The following NAALADL1 variants were observed in gnomAD, a reference collection of about 807,000 sequenced individuals.
NAALADL1 encodes the protein N-acetylated alpha-linked acidic dipeptidase like 1.
In NAALADL1, 77 loss-of-function variants were observed where a neutral mutation model predicts 82.8. The ratio of observed to expected loss-of-function variants is 0.93; its 90% confidence interval spans 0.77 to 1.12. The LOEUF (loss-of-function observed/expected upper bound fraction) is 1.12. NAALADL1 is among the 50% of genes most tolerant of loss of function. The pLI, the probability that NAALADL1 is intolerant of heterozygous loss-of-function variation, is 0.00. For missense variants in NAALADL1, 956 were observed against 964.0 expected (o/e 0.99, Z 0.11); for synonymous variants, 358 against 399.2 (o/e 0.90, Z 1.23).
intron 8 of NAALADL1, among the ~76,000 whole-genome samples, chr11:65,049,426 A>G (rs1357926790): frequency 6.6e-6 from 1 of 152,230 alleles, no homozygotes; most frequent in Non-Finnish European, 1.5e-5. Flanking sequence ...CCAAACCCAA[A>G]TTGAGGGTTA....
chr11:65,048,935 A>G (rs1344038810), intron 8 of NAALADL1, among the ~76,000 whole-genome samples: 1 of 152,174 alleles, frequency 6.6e-6, no homozygotes, highest in African/African-American at 2.4e-5. Flanking sequence ...GGTGGAAGCC[A>G]GGTTGCAGGA....
chr11:65,053,585 G>T lies in NAALADL1; in HGVS notation c.993-9C>A. 1 of 1,584,794 alleles carries T rather than the reference G, an allele frequency of 6.3e-7. No individual in the cohort carries two copies. On this transcript the variant is annotated splice_polypyrimidine_tract_variant and intron_variant, in intron 6 of 17. Transcript: ENST00000358658. The surrounding 1 kb of genome is among the most constrained non-coding windows in gnomAD (Gnocchi z 4.3). ...CGCTCACATTCACCTGGCTGGGGAG[G>T]GTGAAGGGTGTGAGAAGACTCTTGG... is the stretch of plus-strand genomic sequence containing the variant.
upstream of NAALADL1, among the ~76,000 whole-genome samples, chr11:65,059,339 C>T (rs1344166788): frequency 6.6e-6 from 1 of 152,172 alleles, no homozygotes; most frequent in Non-Finnish European, 1.5e-5. Flanking sequence ...AACAATATGG[C>T]ATCTGTAGAA....
rs368979735 is a variant in NAALADL1 at position 65,047,597 on chromosome 11, C to T, written c.1509-32G>A. The T allele has an allele frequency of 2.4e-4, 386 of 1,576,818 alleles. 1 individual carries two copies. The highest frequency in any genetic ancestry group is 3.1e-4 in the Non-Finnish European group (355 of 1,161,910). On this transcript the variant is annotated intron_variant, in intron 12 of 17. Coordinates refer to ENST00000358658, the MANE Select transcript of NAALADL1 (RefSeq NM_005468.3). ...GAAGGAAGGGGGCCGGGATAAAGAG[C>T]GCTGGGCCGGACCGCCTCGCTCCGG...
At chr11:65,045,747 C>T in intron 17 of NAALADL1, 75 bp downstream of exon 17, 2 of 1,416,296 alleles carry the variant, frequency 1.4e-6, no homozygotes, top group South Asian at 1.2e-5. Context: ...GAGAAGCTGA[C>T]CACCTCGTCT....
rs752220561 is a variant in NAALADL1, at chr11:65,058,437, G to T, written c.85C>A (p.Pro29Thr). ...GGGGCCAGTGAGTTGGCTTTTTTGG[G>T]GATGGCAAAGTGGCCGAGGATGATC... is the stretch of plus-strand genomic sequence containing the variant. Reference protein sequence around the residue: ...LGIILGHFAIPKKANSLAPQD... With the variant: ...LGIILGHFAITKKANSLAPQD... The change falls in exon 1 of 18, where the codon CCC becomes ACC. Residue 29 changes from proline to threonine, a missense_variant. Coordinates refer to ENST00000358658, the MANE Select transcript of NAALADL1 (RefSeq NM_005468.3). The T allele has an allele frequency of 3.0e-5, 49 of 1,613,950 alleles. No homozygotes were observed. Among genetic ancestry groups the T allele is most frequent in the Admixed American group, 1.7e-4 (10 of 59,994 alleles).
intron 8 of NAALADL1, among the ~76,000 whole-genome samples, chr11:65,049,881 T>G (rs1164855147): frequency 6.6e-6 from 1 of 151,592 alleles, no homozygotes; most frequent in South Asian, 2.1e-4. Flanking sequence ...AAAAAATATT[T>G]TTTTCTTTTT....
intron 8 of NAALADL1, among the ~76,000 whole-genome samples, chr11:65,050,608 G>A (rs1274554364): frequency 1.3e-5 from 2 of 151,344 alleles, no homozygotes; most frequent in Non-Finnish European, 2.9e-5. Flanking sequence ...TGGCCAACAC[G>A]GTAAAACCCC....
In NAALADL1 at chr11:65,054,715, C is replaced by G. The variant is rs1464024418; in HGVS notation, c.627G>C (p.Gly209=). 3 of 1,613,748 alleles carry G rather than the reference C, an allele frequency of 1.9e-6. No individual in the cohort carries two copies. In the African/African-American group the frequency reaches 4.0e-5, roughly 22 times the overall value. ...GAKAVNAAKH[G]VAGVLVYTDP... is the part of the protein sequence containing the mutation. ...CTGTGTACACCAGCACCCCAGCTAC[C>G]CCGTGCTTGGCAGCGTTCACAGCCT... The change falls in exon 5 of 18, where the codon GGG becomes GGC. Residue 209 remains glycine (G), a synonymous_variant. Transcript: ENST00000358658. This position sits in a 1 kb window ranked among gnomAD's most constrained non-coding sequence, Gnocchi z 4.3.
At chr11:65,059,898 G>T (rs1565255050), upstream of NAALADL1, among the ~76,000 whole-genome samples, 1 of 152,208 alleles carries the variant, frequency 6.6e-6, no homozygotes, top group Non-Finnish European at 1.5e-5. Flanking sequence ...TCCAGCATTT[G>T]CAAGGGCTGA....
In NAALADL1 at chr11:65,047,681, T is replaced by G. The variant is rs1360398991; in HGVS notation, c.1474A>C (p.Asn492His). 6.2e-7 allele frequency: 1 copy of G among 1,608,046 alleles called. No homozygotes were observed. The highest frequency in any genetic ancestry group is 8.5e-7 in the Non-Finnish European group (1 of 1,178,092). ...SIYDNWIRYF[N>H]RSSPVYGLVP... ...AGGCCGTACACCGGGCTGCTGCGGT[T>G]GAAGTACCGGATCCAGTTGTCGTAG... The change falls in exon 12 of 18, where the codon AAC becomes CAC. Residue 492 changes from asparagine (N) to histidine (H), a missense_variant. Asn to His is a moderately conservative substitution (Grantham distance 68, BLOSUM62 1). Coordinates refer to ENST00000358658, the MANE Select transcript of NAALADL1 (RefSeq NM_005468.3).
intron 3 of NAALADL1, 84 bp from the exon 4 acceptor site, chr11:65,057,577 G>A: frequency 6.6e-7 from 1 of 1,508,322 alleles, no homozygotes; most frequent in Non-Finnish European, 8.9e-7. Context: ...CATGGCAGGA[G>A]GGAGAATTTA....
chr11:65,046,993 C>A (rs1565220804), intron 13 of NAALADL1, among the ~76,000 whole-genome samples: 1 of 150,062 alleles, frequency 6.7e-6, no homozygotes, highest in South Asian at 2.1e-4. Context: ...CCCGCCCCTA[C>A]ATTTTAAGAT....
At chr11:65,049,932 C>T (rs1170506875) in intron 8 of NAALADL1, among the ~76,000 whole-genome samples, 1 of 151,366 alleles carries the variant, frequency 6.6e-6, no homozygotes, top group African/African-American at 2.4e-5. Context: ...GGCTGGAGTG[C>T]AGTGGCGCAA....
rs182211198 is a variant in NAALADL1 at position 65,057,465 on chromosome 11, G to A, written c.509C>T (p.Ala170Val). Reference protein sequence around the residue: ...QGLLVYANRGAEEDFKELQTQ... With the variant: ...QGLLVYANRGVEEDFKELQTQ... ...CTGTAGCTCCTTAAAGTCTTCTTCC[G>A]CGCCCCGGTTGGCATAGACGAGGAG... Residue 170 changes from alanine to valine, a missense_variant, in exon 4 of 18, where the codon GCG becomes GTG. Coordinates refer to ENST00000358658, the MANE Select transcript of NAALADL1 (RefSeq NM_005468.3). The A allele has an allele frequency of 5.1e-5, 83 of 1,614,108 alleles. No individual in the cohort carries two copies. The East Asian group carries it at 9.8e-4, about 19-fold the overall frequency.
chr11:65,053,362 A>G lies in NAALADL1; in HGVS notation c.1079-25T>C. ...TCTGGCCAGAGGAAAAGGGGCAGAG[A>G]ACCAGAGGAGAGGGAGAGGTGGGCA... On this transcript the variant is annotated intron_variant, in intron 7 of 17. Coordinates refer to ENST00000358658, the MANE Select transcript of NAALADL1 (RefSeq NM_005468.3). This position sits in a 1 kb window ranked among gnomAD's most constrained non-coding sequence, Gnocchi z 4.3. 6.2e-7 allele frequency: 1 copy of G among 1,603,464 alleles called. No individual in the cohort carries two copies. The highest frequency in any genetic ancestry group is 8.5e-7 in the Non-Finnish European group (1 of 1,175,114).
rs566658012 is a variant in NAALADL1, at chr11:65,045,158, G to A, written c.*113C>T. Reference sequence around the variant, plus strand: ...CCTCAAGCTGTTGCCTGAGAAGCTTGAGAGGGTCCTGTGGTAGTGCCCTCT... The same window carrying A: ...CCTCAAGCTGTTGCCTGAGAAGCTTAAGAGGGTCCTGTGGTAGTGCCCTCT... On this transcript the variant is annotated 3_prime_UTR_variant, in exon 18 of 18. Coordinates refer to ENST00000358658, the MANE Select transcript of NAALADL1 (RefSeq NM_005468.3). 1.7e-6 allele frequency: 2 copies of A among 1,207,034 alleles called. No homozygotes were observed. The highest frequency in any genetic ancestry group is 2.3e-6 in the Non-Finnish European group (2 of 873,076). 74.8% of individuals were successfully genotyped at this position (1,207,034 alleles called of 1,614,324 possible). A position where few individuals can be genotyped will look rare whatever the true frequency, so the allele number is the denominator to read the frequency against.
At chr11:65,055,432 G>A (rs1947011567) in intron 4 of NAALADL1, among the ~76,000 whole-genome samples, 4 of 152,040 alleles carry the variant, frequency 2.6e-5, no homozygotes, top group South Asian at 2.1e-4. Flanking sequence ...GCAAGACTCT[G>A]TCTCAAAAAA....
Position 65,054,545 on chromosome 11 carries a change from G to C in NAALADL1, c.797C>G (p.Ser266Cys). 1 of 1,614,030 alleles carries C rather than the reference G, an allele frequency of 6.2e-7. No homozygotes were observed. Among genetic ancestry groups the C allele is most frequent in the Non-Finnish European group, 8.5e-7 (1 of 1,179,972 alleles). Residue 266 changes from serine (S) to cysteine (C), a missense_variant, in exon 5 of 18, where the codon TCT (serine) becomes TGT (cysteine). By Grantham distance (112) the Ser-to-Cys change is moderately radical. Coordinates refer to ENST00000358658, the MANE Select transcript of NAALADL1 (RefSeq NM_005468.3). The surrounding 1 kb of genome is among the most constrained non-coding windows in gnomAD (Gnocchi z 4.3). ...PLTPYLPAVP[S>C]SFRVDLANVS... is the part of the protein sequence containing the mutation. ...ATTGGCAAGGTCCACGCGGAAGGAA[G>C]AGGGGACGGCTGGAAGGTAGGGAGT... is the stretch of plus-strand genomic sequence containing the variant.
Sources: allele counts gnomAD v4.1 joint callset (sites outside exome capture counted in the v4.1 genomes callset), GRCh38; gene constraint gnomAD v4.1.1; non-coding constraint Gnocchi (gnomAD v3.1); transcripts MANE v1.5; gene names NCBI Gene and HGNC (gene_info 2026-07-23, HGNC 2026-07-21).